Variants in CDKL4 observed in about 807,000 individuals in gnomAD.
CDKL4 encodes cyclin-dependent kinase-like 4.
A neutral mutation model predicts 42.0 loss-of-function variants in CDKL4; 44 were observed. The observed-to-expected ratio is 1.05, with a 90% CI of 0.82 to 1.35. The LOEUF (loss-of-function observed/expected upper bound fraction) is 1.35. CDKL4 is among the 40% of genes most tolerant of loss of function. The pLI is 0.00. For missense variants in CDKL4, 393 were observed against 369.9 expected (o/e 1.06, Z -0.51); for synonymous variants, 120 against 121.6 (o/e 0.99, Z 0.09).
At chr2:39,210,980 C>G (rs971976285) in intron 4 of CDKL4, among the ~76,000 whole-genome samples, 1 of 152,208 alleles carries the variant, frequency 6.6e-6, no homozygotes, top group Admixed American at 6.5e-5. Flanking sequence ...CTTGTACTTT[C>G]TTTTTCAGCA....
intron 4 of CDKL4, among the ~76,000 whole-genome samples, chr2:39,211,214 C>T (rs919148152): frequency 1.3e-5 from 2 of 152,102 alleles, no homozygotes; most frequent in Non-Finnish European, 2.9e-5. Context: ...GATAGTGAGA[C>T]CCCCATCTCT....
downstream of CDKL4, among the ~76,000 whole-genome samples, chr2:39,173,346 TCA>T (rs1164712978): frequency 6.6e-6 from 1 of 152,216 alleles, no homozygotes; most frequent in African/African-American, 2.4e-5. Flanking sequence ...ATCTTTTTTC[TCA>T]TTTTCTTTGC....
intron 3 of CDKL4, among the ~76,000 whole-genome samples, chr2:39,213,925 T>C (rs1677749573): frequency 6.6e-6 from 1 of 151,698 alleles, no homozygotes; most frequent in South Asian, 2.1e-4. Context: ...TTTTGTTTTG[T>C]TTTGTTTTTT....
At chr2:39,172,824 C>T (rs749327303), downstream of CDKL4, among the ~76,000 whole-genome samples, 20 of 152,252 alleles carry the variant, frequency 1.3e-4, no homozygotes, top group Non-Finnish European at 2.4e-4. Flanking sequence ...TCAGGTGATC[C>T]GCCTGCCTTG....
At chr2:39,213,621 G>T in intron 3 of CDKL4, 149 bp from the exon 4 acceptor site, 1 of 439,832 alleles carries the variant, frequency 2.3e-6, no homozygotes, top group Non-Finnish European at 4.1e-6. Flanking sequence ...GTGAAAATTG[G>T]GCTTTACTAT....
At chr2:39,235,392 A>G (rs902984870) in intron 1 of CDKL4, among the ~76,000 whole-genome samples, 4 of 152,222 alleles carry the variant, frequency 2.6e-5, no homozygotes, top group African/African-American at 9.6e-5. Flanking sequence ...CAAAGTAGAA[A>G]GTAATGCAAC....
At chr2:39,220,349 C>T (rs1159292235) in intron 3 of CDKL4, among the ~76,000 whole-genome samples, 1 of 152,140 alleles carries the variant, frequency 6.6e-6, no homozygotes, top group African/African-American at 2.4e-5. Context: ...CCCACCTCCC[C>T]TCAAGGTCTC....
intron 5 of CDKL4, among the ~76,000 whole-genome samples, chr2:39,198,896 A>T (rs61526451): frequency 0.073 from 11,104 of 152,162 alleles, 1,379 homozygotes; most frequent in African/African-American, 0.25. Flanking sequence ...AAAGAGCACA[A>T]ATAGACAATC....
upstream of CDKL4, among the ~76,000 whole-genome samples, chr2:39,245,208 G>A (rs1248170797): frequency 1.3e-5 from 2 of 152,164 alleles, no homozygotes; most frequent in Admixed American, 6.5e-5. Flanking sequence ...CCGCTTTTAT[G>A]AGTTGTAACA....
chr2:39,241,745 C>A (rs1236968672), intron 1 of CDKL4, among the ~76,000 whole-genome samples: 1 of 152,174 alleles, frequency 6.6e-6, no homozygotes. Context: ...CAGGTTCTTT[C>A]TCTGCTCGCA....
chr2:39,197,659 C>A (rs940550325), intron 5 of CDKL4, among the ~76,000 whole-genome samples: 5 of 152,154 alleles, frequency 3.3e-5, no homozygotes, highest in Non-Finnish European at 4.4e-5. Context: ...ACCCTACAAG[C>A]TAGAGGGGAT....
Position 39,179,107 on chromosome 2 carries a change from T to C in CDKL4, c.927+80A>G. ...CAAATGAAAGGTCTTGGTGTCCACC[T>C]TGTCTCACTTTGAAAGGCAGACAAA... On this transcript the variant is annotated intron_variant, in intron 9 of 9. Coordinates refer to ENST00000451199, the Ensembl canonical transcript of CDKL4. The C allele has an allele frequency of 2.6e-6, 4 of 1,549,420 alleles. No individual in the cohort carries two copies. In the South Asian group the frequency reaches 5.2e-5, roughly 20 times the overall value.
intron 3 of CDKL4, among the ~76,000 whole-genome samples, chr2:39,214,983 T>G (rs1326031055): frequency 1.3e-5 from 2 of 152,192 alleles, no homozygotes; most frequent in Non-Finnish European, 2.9e-5. Flanking sequence ...AATTACATTC[T>G]CTGTAACTTT....
intron 7 of CDKL4, among the ~76,000 whole-genome samples, chr2:39,187,421 G>A (rs1331602232): frequency 6.8e-6 from 1 of 146,720 alleles, no homozygotes; most frequent in East Asian, 2.1e-4. Flanking sequence ...TGGCTCATAT[G>A]AGTAATTCCA....
intron 9 of CDKL4, chr2:39,178,764 G>T: frequency 6.3e-7 from 1 of 1,596,426 alleles, no homozygotes; most frequent in South Asian, 1.1e-5. Context: ...TGCCTGCTGT[G>T]GGTGAAAAGA....
chr2:39,185,565 C>G (rs959476756), intron 7 of CDKL4, among the ~76,000 whole-genome samples: 1 of 149,696 alleles, frequency 6.7e-6, no homozygotes, highest in Non-Finnish European at 1.5e-5. Flanking sequence ...CGGGTTGATG[C>G]CATTCTCCTG....
intron 1 of CDKL4, among the ~76,000 whole-genome samples, chr2:39,229,981 C>A (rs1678996221): frequency 6.6e-6 from 1 of 152,240 alleles, no homozygotes. Flanking sequence ...AGTGCATACA[C>A]AATGACTAGG....
intron 4 of CDKL4, among the ~76,000 whole-genome samples, chr2:39,209,950 GA>G (rs979858202): frequency 2.6e-4 from 40 of 152,254 alleles, no homozygotes; most frequent in Non-Finnish European, 5.1e-4. Flanking sequence ...ATAAGAAAAT[GA>G]GAAGTAATTT....
intron 3 of CDKL4, among the ~76,000 whole-genome samples, chr2:39,221,001 G>GTTTTTTTTTTTTTTT (rs1678311355): frequency 1.3e-5 from 1 of 78,804 alleles, no homozygotes; most frequent in Admixed American, 2.0e-4. Flanking sequence ...TTTTTTTTTT[G>GTTTTTTTTTTTTTTT]TTTTTTTTTT....
Sources: gnomAD v4.1 joint callset for allele counts (sites outside exome capture counted in the v4.1 genomes callset) on GRCh38, gnomAD v4.1.1 for gene constraint, MANE v1.5 for transcripts, NCBI Gene and HGNC (gene_info 2026-07-23, HGNC 2026-07-21) for gene names.